Variants in KRT37 observed in about 807,000 individuals in gnomAD.
The protein encoded by KRT37 is keratin 37.
KRT37 carries 38 observed loss-of-function variants against 41.9 expected under a neutral mutation model. That is an observed-to-expected ratio of 0.91 (90% CI 0.70 to 1.19). The LOEUF (loss-of-function observed/expected upper bound fraction) is 1.19. Among genes scored for constraint, KRT37 ranks in the 50% most tolerant of loss-of-function variants. The pLI is 0.00. For missense variants in KRT37, 580 were observed against 575.5 expected, an observed-to-expected ratio of 1.01 and a Z score of -0.08; for synonymous variants, 252 against 243.4, an observed-to-expected ratio of 1.04 and a Z score of -0.33.
Position 41,424,449 on chromosome 17 carries a change from G to A in KRT37, c.75C>T (p.Val25=). Residue 25 remains valine, a synonymous_variant, in exon 1 of 7, where the codon GTC becomes GTT. Transcript: ENST00000225550. Reference sequence around the variant, plus strand: ...GCTGGCACCCAACATCGATAGGAGAGACAAAGACATTTCTTGCTCCAGGAG... The same window carrying A: ...GCTGGCACCCAACATCGATAGGAGAAACAAAGACATTTCTTGCTCCAGGAG... The part of the protein sequence containing the change: ...TMAPGARNVF[V]SPIDVGCQPV... 1 of 1,609,318 alleles carries A rather than the reference G, an allele frequency of 6.2e-7. No individual in the cohort carries two copies. The highest frequency in any genetic ancestry group is 8.5e-7 in the Non-Finnish European group (1 of 1,176,308).
intron 4 of KRT37, 36 bp from the exon 5 acceptor site, chr17:41,422,230 A>G: frequency 6.2e-7 from 1 of 1,613,932 alleles, no homozygotes. Context: ...CTCCCTGCTC[A>G]GATGGAGGCC....
chr17:41,422,686 G>A (rs1191267010), intron 3 of KRT37, 92 bp downstream of exon 3: 7 of 1,343,792 alleles, frequency 5.2e-6, no homozygotes, highest in Non-Finnish European at 7.0e-6. Context: ...TAGGCCAGCT[G>A]AGCCCAGGCA....
intron 5 of KRT37, 107 bp downstream of exon 5, chr17:41,421,962 G>C: frequency 6.3e-7 from 1 of 1,576,240 alleles, no homozygotes; most frequent in Middle Eastern, 1.7e-4. Context: ...GAGGACCCCA[G>C]ATCTTGACTT....
chr17:41,421,357 T>C lies in KRT37; in HGVS notation c.1241+10A>G. ...GTGTGTGGCTTAGGAATTGCCCAGATCACACGTACTTGCAGTCCTCGCTCT... is the reference window on the plus strand; with the variant it reads ...GTGTGTGGCTTAGGAATTGCCCAGACCACACGTACTTGCAGTCCTCGCTCT... On this transcript the variant is annotated intron_variant, in intron 6 of 6. Transcript: ENST00000225550. 1 of 1,614,012 alleles carries C rather than the reference T, an allele frequency of 6.2e-7. No individual in the cohort carries two copies.
At position 41,422,719 on chromosome 17, in the gene KRT37, G is replaced by T. The variant is rs545187721; in HGVS notation, c.732+59C>A. 4.9e-6 allele frequency: 7 copies of T among 1,440,004 alleles called. 2 individuals are homozygous for T. The East Asian group carries it at 1.9e-4, about 39-fold the overall frequency. The allele number at this position is 1,440,004 out of a possible 1,614,324, so 89.2% of individuals were successfully genotyped here. Reference sequence around the variant, plus strand: ...GCAATGCTCTGAGAGCCCCAGGGCCGGGGAGCTCCCCTGTCTGCCCAGCGC... The same window carrying T: ...GCAATGCTCTGAGAGCCCCAGGGCCTGGGAGCTCCCCTGTCTGCCCAGCGC... On this transcript the variant is annotated intron_variant, in intron 3 of 6. Transcript: ENST00000225550.
Position 41,421,425 on chromosome 17 carries a change from C to A in KRT37, c.1183G>T (p.Ala395Ser), listed in dbSNP as rs750562385. 6.2e-7 allele frequency: 1 copy of A among 1,614,224 alleles called. No individual in the cohort carries two copies. The change falls in exon 6 of 7, where the codon GCC becomes TCC. Residue 395 changes from alanine to serine, a missense_variant. Physicochemically the swap from Ala to Ser is moderately conservative, Grantham distance 99 (BLOSUM62 1). Transcript: ENST00000225550. ...GTGGCAATCTCGTTCTCCAACCGGGCCTTCACGTCCAGCAGCACCTGGTAC... is the reference window on the plus strand; with the variant it reads ...GTGGCAATCTCGTTCTCCAACCGGGACTTCACGTCCAGCAGCACCTGGTAC... ...QEYQVLLDVKARLENEIATYR... is the reference protein window; with the variant it reads ...QEYQVLLDVKSRLENEIATYR...
Position 41,424,220 on chromosome 17 carries a change from C to T in KRT37, c.304G>A (p.Gly102Ser), listed in dbSNP as rs760569117. 1.9e-6 allele frequency: 3 copies of T among 1,614,182 alleles called. No homozygotes were observed. In the South Asian group the frequency reaches 3.3e-5, roughly 18 times the overall value. The change falls in exon 1 of 7, where the codon GGC becomes AGC. Residue 102 changes from glycine to serine, a missense_variant. Transcript: ENST00000225550. ...AACTTCATGGTCTCCTTCTCATGGC[C>T]ATTCAGGGTGTTTTTGCCGTAGGCC... ...CGAYGKNTLN[G>S]HEKETMKFLN...
intron 5 of KRT37, 59 bp downstream of exon 5, chr17:41,422,010 G>A: frequency 6.2e-7 from 1 of 1,612,188 alleles, no homozygotes; most frequent in Middle Eastern, 1.7e-4. Flanking sequence ...TTTAAGAGAT[G>A]CTACTACCAG....
Position 41,424,231 on chromosome 17 carries a change from T to C in KRT37, c.293A>G (p.Asn98Ser). Residue 98 changes from asparagine to serine, a missense_variant, in exon 1 of 7, where the codon AAC (asparagine) becomes AGC (serine). Transcript: ENST00000225550. Reference sequence around the variant, plus strand: ...CTCCTTCTCATGGCCATTCAGGGTGTTTTTGCCGTAGGCCCCACAGATTCC... The same window carrying C: ...CTCCTTCTCATGGCCATTCAGGGTGCTTTTGCCGTAGGCCCCACAGATTCC... ...NIGICGAYGK[N>S]TLNGHEKETM... is the part of the protein sequence containing the mutation. 3.1e-6 allele frequency: 5 copies of C among 1,614,134 alleles called. No individual in the cohort carries two copies. Among genetic ancestry groups the C allele is most frequent in the Non-Finnish European group, 3.4e-6 (4 of 1,179,998 alleles).
Position 41,424,084 on chromosome 17 carries a change from A to C in KRT37, c.440T>G (p.Val147Gly), listed in dbSNP as rs564009185. ...GAAGTAGGACTGGTAGTCGGGGCAC[A>C]CGGTGGACTCGTGGCACTTGCTCCT... The part of the protein sequence containing the change: ...LERSKCHEST[V>G]CPDYQSYFRT... The change falls in exon 1 of 7, where the codon GTG (valine) becomes GGG (glycine). Residue 147 changes from valine to glycine, a missense_variant. Val to Gly is a moderately radical substitution (Grantham distance 109, BLOSUM62 -3). Transcript: ENST00000225550. 3.1e-6 allele frequency: 5 copies of C among 1,614,192 alleles called. No homozygotes were observed. The highest frequency in any genetic ancestry group is 4.2e-6 in the Non-Finnish European group (5 of 1,180,032).
Position 41,420,807 on chromosome 17 carries a change from G to T in KRT37, c.*71C>A. 1 of 985,284 alleles carries T rather than the reference G, an allele frequency of 1.0e-6. No individual in the cohort carries two copies. The highest frequency in any genetic ancestry group is 1.6e-6 in the Non-Finnish European group (1 of 634,920). 61.0% of individuals were successfully genotyped at this position (985,284 alleles called of 1,614,324 possible). ...CTCAGTGAGTCTAGTCTTGAAGGAA[G>T]ACTGGGCAAGGTGAGGGCACTCCTG... is the stretch of plus-strand genomic sequence containing the variant. On this transcript the variant is annotated 3_prime_UTR_variant, in exon 7 of 7. Transcript: ENST00000225550.
intron 5 of KRT37, 133 bp downstream of exon 5, chr17:41,421,936 G>A (rs1311773057): frequency 8.9e-6 from 13 of 1,464,222 alleles, no homozygotes; most frequent in South Asian, 6.6e-5. Flanking sequence ...ACAGCAAGAC[G>A]TCTCCATCGG....
chr17:41,422,743 G>T, intron 3 of KRT37, 35 bp downstream of exon 3: 1 of 1,510,162 alleles, frequency 6.6e-7, no homozygotes. Context: ...TCTGCCCAGC[G>T]CCCTCCCCAG....
Position 41,424,549 on chromosome 17 carries a change from G to C in KRT37, c.-26C>G, listed in dbSNP as rs572054035. The C allele has an allele frequency of 3.3e-6, 5 of 1,535,512 alleles. No individual in the cohort carries two copies. The highest frequency in any genetic ancestry group is 4.4e-6 in the Non-Finnish European group (5 of 1,139,386). On this transcript the variant is annotated 5_prime_UTR_variant, in exon 1 of 7. Coordinates refer to ENST00000225550, the MANE Select transcript of KRT37 (RefSeq NM_003770.5). ...GGTGTAGGGCTGAGGCTGCACAGGA[G>C]CTTCAGATCAGCTGGGAAGGCTGAG...
At position 41,424,331 on chromosome 17, in the gene KRT37, G is replaced by A; in HGVS notation, c.193C>T (p.Pro65Ser). 6.2e-7 allele frequency: 1 copy of A among 1,614,174 alleles called. No homozygotes were observed. Among genetic ancestry groups the A allele is most frequent in the Non-Finnish European group, 8.5e-7 (1 of 1,180,028 alleles). The change falls in exon 1 of 7, where the codon CCC (proline) becomes TCC (serine). Residue 65 changes from proline (P) to serine (S), a missense_variant. Coordinates refer to ENST00000225550, the MANE Select transcript of KRT37 (RefSeq NM_003770.5). ...CTGGTTGGGGGCAGACAGAGGCTGG[G>A]GCGGCCCAGGGGAGTCGACCCCACA... is the stretch of plus-strand genomic sequence containing the variant. ...VRVGSTPLGR[P>S]SLCLPPTSHT... is the part of the protein sequence containing the mutation.
Position 41,420,603 on chromosome 17 carries a change from T to C in KRT37, c.*275A>G, listed in dbSNP as rs1478387038. The C allele has an allele frequency of 1.1e-5, 4 of 372,998 alleles. No homozygotes were observed. The South Asian group carries it at 2.6e-4, about 24-fold the overall frequency. The allele number at this position is 372,998 out of a possible 1,614,324, so 23.1% of individuals were successfully genotyped here. ...AATGCAGGGAACCCAGTTACATTTT[T>C]GGAGATTCTGAAACACTGGAATAGA... On this transcript the variant is annotated 3_prime_UTR_variant, in exon 7 of 7. Coordinates refer to ENST00000225550, the MANE Select transcript of KRT37 (RefSeq NM_003770.5).
chr17:41,420,846 C>G lies in KRT37; in HGVS notation c.*32G>C, dbSNP rs1271812799. 2.0e-6 allele frequency: 3 copies of G among 1,492,106 alleles called. No homozygotes were observed. Among genetic ancestry groups the G allele is most frequent in the Middle Eastern group, 1.7e-4 (1 of 5,842 alleles). 92.4% of individuals were successfully genotyped at this position (1,492,106 alleles called of 1,614,324 possible). On this transcript the variant is annotated 3_prime_UTR_variant, in exon 7 of 7. Transcript: ENST00000225550. ...AGGGCACTCCTGACCCCAGTGCAAC[C>G]AGCCTCAATCTCCTAACTCGGGCCT... is the stretch of plus-strand genomic sequence containing the variant.
At position 41,424,437 on chromosome 17, in the gene KRT37, A is replaced by G. The variant is rs749293884; in HGVS notation, c.87T>C (p.Asp29=). ...CCTCTGCCACAGGCTGGCACCCAAC[A>G]TCGATAGGAGAGACAAAGACATTTC... is the stretch of plus-strand genomic sequence containing the variant. The part of the protein sequence containing the change: ...GARNVFVSPI[D]VGCQPVAEAN... The change falls in exon 1 of 7, where the codon GAT becomes GAC. Residue 29 remains aspartate (D), a synonymous_variant. Transcript: ENST00000225550. The G allele has an allele frequency of 3.1e-6, 5 of 1,611,852 alleles. No homozygotes were observed. The highest frequency in any genetic ancestry group is 4.2e-6 in the Non-Finnish European group (5 of 1,178,422).
At chr17:41,423,174 A>G (rs1342412044) in intron 2 of KRT37, among the ~76,000 whole-genome samples, 1 of 152,226 alleles carries the variant, frequency 6.6e-6, no homozygotes, top group Non-Finnish European at 1.5e-5. Context: ...AGTTAATAGT[A>G]AATGCATGGA....
Sources: gnomAD v4.1 joint callset for allele counts (sites outside exome capture counted in the v4.1 genomes callset) on GRCh38, gnomAD v4.1.1 for gene constraint, MANE v1.5 for transcripts, NCBI Gene and HGNC (gene_info 2026-07-23, HGNC 2026-07-21) for gene names.